ADARB2: variants seen among roughly 807,000 people sequenced by gnomAD.
The protein encoded by ADARB2 is adenosine deaminase RNA specific B2 (inactive), also known as inactive double-stranded RNA-specific editase B2.
ADARB2 carries 25 observed loss-of-function variants against 62.2 expected under a neutral mutation model. The observed-to-expected ratio is 0.40, with a 90% CI of 0.29 to 0.56. The LOEUF (loss-of-function observed/expected upper bound fraction) is 0.56. Ranked by LOEUF, ADARB2 falls within the 20% of genes least tolerant of loss-of-function variation. ADARB2 has a pLI of 0.43. For synonymous variants in ADARB2, 572 were observed against 500.8 expected, an observed-to-expected ratio of 1.14 and a Z score of -1.90; for missense variants, 1,071 against 1,077.4, an observed-to-expected ratio of 0.99 and a Z score of 0.08.
chr10:1,293,704 T>C (rs1831498702), intron 3 of ADARB2, among the ~76,000 whole-genome samples: 1 of 152,242 alleles, frequency 6.6e-6, no homozygotes, highest in Admixed American at 6.5e-5. Flanking sequence ...TTCTATGTCA[T>C]CTCTTTTTGT....
At chr10:1,449,230 C>T (rs1242542852) in intron 1 of ADARB2, among the ~76,000 whole-genome samples, 1 of 152,188 alleles carries the variant, frequency 6.6e-6, no homozygotes, top group Non-Finnish European at 1.5e-5. Context: ...CCACATTTGC[C>T]CAAGACTCTG....
At chr10:1,185,576 G>A (rs1836741748) in intron 8 of ADARB2, among the ~76,000 whole-genome samples, 1 of 152,204 alleles carries the variant, frequency 6.6e-6, no homozygotes. Flanking sequence ...TCCTGAAACC[G>A]CACTGGCTAC....
chr10:1,524,101 G>GATAGATAGATAA (rs556667028), intron 1 of ADARB2, among the ~76,000 whole-genome samples: 1 of 151,530 alleles, frequency 6.6e-6, no homozygotes, highest in Non-Finnish European at 1.5e-5. Flanking sequence ...TAGATAGATA[G>GATAGATAGATAA]ATTAGAGAGA....
intron 2 of ADARB2, among the ~76,000 whole-genome samples, chr10:1,378,071 G>T (rs758035346): frequency 1.3e-5 from 2 of 152,148 alleles, no homozygotes; most frequent in Non-Finnish European, 2.9e-5. Flanking sequence ...CATTTGCCAG[G>T]TGGTGTTAAA....
intron 3 of ADARB2, among the ~76,000 whole-genome samples, chr10:1,321,113 T>A (rs568574849): frequency 6.6e-6 from 1 of 152,344 alleles, no homozygotes; most frequent in Admixed American, 6.5e-5. Flanking sequence ...AAAACCAGTA[T>A]AAATAATTTG....
intron 1 of ADARB2, among the ~76,000 whole-genome samples, chr10:1,736,215 C>T (rs1165832485): frequency 6.6e-6 from 1 of 152,156 alleles, no homozygotes; most frequent in African/African-American, 2.4e-5. Context: ...TTAATTCTTC[C>T]TGGCATGCAC....
At chr10:1,568,750 G>A (rs111598736) in intron 1 of ADARB2, among the ~76,000 whole-genome samples, 44 of 152,212 alleles carry the variant, frequency 2.9e-4, no homozygotes, top group African/African-American at 1.0e-3. Flanking sequence ...CTCCTGAAAT[G>A]CTGACTTTTG....
intron 1 of ADARB2, among the ~76,000 whole-genome samples, chr10:1,681,899 G>A (rs1468264707): frequency 1.3e-5 from 2 of 152,202 alleles, no homozygotes; most frequent in Admixed American, 6.5e-5. Flanking sequence ...AAGGGTGTGA[G>A]GGTGCATCTA....
chr10:1,387,211 AAAAG>A (rs1358241695), intron 1 of ADARB2, among the ~76,000 whole-genome samples: 2 of 152,006 alleles, frequency 1.3e-5, no homozygotes, highest in Admixed American at 1.3e-4. Context: ...AGAAGCTAAA[AAAAG>A]AGAGTACATC....
intron 1 of ADARB2, among the ~76,000 whole-genome samples, chr10:1,675,681 T>G (rs1028264094): frequency 6.9e-4 from 91 of 132,320 alleles, no homozygotes; most frequent in East Asian, 3.8e-3. Context: ...GTTTGGGGGT[T>G]CATGGATGTT....
intron 1 of ADARB2, among the ~76,000 whole-genome samples, chr10:1,599,170 G>A (rs769655934): frequency 3.9e-5 from 6 of 152,162 alleles, no homozygotes; most frequent in Admixed American, 1.3e-4. Flanking sequence ...TGATTGGCAC[G>A]GGCCATCCTC....
intron 6 of ADARB2, among the ~76,000 whole-genome samples, chr10:1,229,074 A>G (rs1014499839): frequency 2.0e-5 from 3 of 152,230 alleles, no homozygotes; most frequent in Non-Finnish European, 2.9e-5. Flanking sequence ...GCTGGAAACA[A>G]CAAACTTGAA....
At chr10:1,703,537 C>T (rs1398595975) in intron 1 of ADARB2, among the ~76,000 whole-genome samples, 1 of 152,064 alleles carries the variant, frequency 6.6e-6, no homozygotes, top group Non-Finnish European at 1.5e-5. Context: ...GGAGACGATG[C>T]AAGAACTGGA....
intron 1 of ADARB2, among the ~76,000 whole-genome samples, chr10:1,646,073 G>A (rs1467633372): frequency 1.3e-5 from 2 of 152,168 alleles, no homozygotes; most frequent in Non-Finnish European, 2.9e-5. Flanking sequence ...AGAGGTCCAG[G>A]AAAGGCTCCC....
At chr10:1,660,800 C>T (rs966506825) in intron 1 of ADARB2, among the ~76,000 whole-genome samples, 3 of 152,224 alleles carry the variant, frequency 2.0e-5, no homozygotes, top group Non-Finnish European at 4.4e-5. Flanking sequence ...CTTCATTCCA[C>T]TGCATGTTTA....
Position 1,695,094 on chromosome 10 carries a change from G to A in ADARB2, c.100+41957C>T, listed in dbSNP as rs562243822. Among the ~76,000 whole-genome samples, 4 of 152,282 alleles carry A rather than the reference G, an allele frequency of 2.6e-5. No homozygotes were observed. In the East Asian group the frequency reaches 7.7e-4, roughly 29 times the overall value. ...GTTTTGTGCAGCGAGGAGAATGGAA[G>A]CCTGAAAACAGCGCATCTGTTCAGC... is the stretch of plus-strand genomic sequence containing the variant. On this transcript the variant is annotated intron_variant, in intron 1 of 9. Transcript: ENST00000381312.
chr10:1,440,406 C>A (rs1419814923), intron 1 of ADARB2, among the ~76,000 whole-genome samples: 2 of 148,306 alleles, frequency 1.3e-5, no homozygotes, highest in Non-Finnish European at 3.0e-5. Flanking sequence ...ATATTCCACA[C>A]CTTTGCTACA....
intron 6 of ADARB2, among the ~76,000 whole-genome samples, chr10:1,217,495 T>A (rs1049720108): frequency 3.3e-5 from 5 of 152,246 alleles, no homozygotes; most frequent in African/African-American, 1.2e-4. Context: ...AACACGCAGT[T>A]GGACGTGTCG....
chr10:1,267,880 G>A (rs1831221463), intron 4 of ADARB2, among the ~76,000 whole-genome samples: 1 of 152,158 alleles, frequency 6.6e-6, no homozygotes, highest in African/African-American at 2.4e-5. Context: ...ATGCTGTTCA[G>A]CTGTTACAAT....
Sources: gnomAD v4.1 joint callset for allele counts (sites outside exome capture counted in the v4.1 genomes callset) on GRCh38, gnomAD v4.1.1 for gene constraint, MANE v1.5 for transcripts, NCBI Gene and HGNC (gene_info 2026-07-23, HGNC 2026-07-21) for gene names.